Variants in MTUS2 observed in about 807,000 individuals in gnomAD.
MTUS2 encodes microtubule associated scaffold protein 2.
Under a neutral mutation model 114.1 loss-of-function variants are expected in MTUS2, and 40 were observed. The observed-to-expected ratio is 0.35, with a 90% CI of 0.27 to 0.46. The LOEUF is 0.46. Among genes scored for constraint, MTUS2 ranks in the 20% least tolerant of loss-of-function variants. The probability of loss-of-function intolerance (pLI) is 1.00; values close to 1 mark genes in which losing one functional copy is unlikely to be tolerated. For missense variants in MTUS2, 1,679 were observed against 1,705.4 expected (o/e 0.98, Z 0.27); for synonymous variants, 688 against 672.0 (o/e 1.02, Z -0.37).
chr13:29,487,770 TCTC>T, intron 10 of MTUS2, 127 bp from the exon 11 acceptor site: 1 of 743,244 alleles, frequency 1.3e-6, no homozygotes, highest in South Asian at 1.6e-5. Flanking sequence ...AAAGTCCAGC[TCTC>T]CTGCTTCGGC....
chr13:29,304,367 C>T (rs1158521595), intron 6 of MTUS2, among the ~76,000 whole-genome samples: 2 of 151,402 alleles, frequency 1.3e-5, no homozygotes, highest in Non-Finnish European at 2.9e-5. Context: ...GAGCCAAAAC[C>T]CATCAGTATG....
intron 2 of MTUS2, among the ~76,000 whole-genome samples, chr13:28,862,684 A>C (rs1386714845): frequency 6.6e-6 from 1 of 152,316 alleles, no homozygotes; most frequent in East Asian, 1.9e-4. Flanking sequence ...GTAGTGGAAA[A>C]TTGGAAACAT....
chr13:29,165,505 C>A (rs4559776), intron 5 of MTUS2, among the ~76,000 whole-genome samples: 1 of 151,974 alleles, frequency 6.6e-6, no homozygotes, highest in Non-Finnish European at 1.5e-5. Flanking sequence ...ATGATATCTG[C>A]TGTCTTTCCT....
chr13:29,035,709 G>A (rs761550869), intron 4 of MTUS2, among the ~76,000 whole-genome samples: 13 of 152,008 alleles, frequency 8.6e-5, no homozygotes, highest in Non-Finnish European at 1.8e-4. Context: ...ACTGAACACA[G>A]AGCCAAAGCC....
intron 11 of MTUS2, among the ~76,000 whole-genome samples, chr13:29,491,088 ATG>A (rs1307920663): frequency 7.0e-6 from 1 of 142,192 alleles, no homozygotes; most frequent in Non-Finnish European, 1.5e-5. Flanking sequence ...TGTGTGTGGT[ATG>A]TGTGCGGGTG....
chr13:29,391,875 C>T (rs1873508831), intron 8 of MTUS2, among the ~76,000 whole-genome samples: 1 of 151,998 alleles, frequency 6.6e-6, no homozygotes. Flanking sequence ...CAGTGGCTCA[C>T]ACCTATAATA....
chr13:29,182,070 C>T (rs529427411), intron 5 of MTUS2, among the ~76,000 whole-genome samples: 1 of 152,266 alleles, frequency 6.6e-6, no homozygotes, highest in African/African-American at 2.4e-5. Context: ...GGATGCCCCT[C>T]CCTGGTGGCT....
intron 9 of MTUS2, among the ~76,000 whole-genome samples, chr13:29,468,700 C>T (rs1294222842): frequency 2.0e-5 from 3 of 152,156 alleles, no homozygotes; most frequent in African/African-American, 7.2e-5. Context: ...CCCTCCAAGC[C>T]TCTATTTCAT....
chr13:28,969,928 C>T (rs1883775372), intron 2 of MTUS2, among the ~76,000 whole-genome samples: 2 of 152,296 alleles, frequency 1.3e-5, no homozygotes, highest in East Asian at 3.9e-4. Context: ...TTATAGGCGC[C>T]TGCCAGCATG....
intron 1 of MTUS2, among the ~76,000 whole-genome samples, chr13:28,838,234 C>A (rs189349620): frequency 6.6e-6 from 1 of 152,206 alleles, no homozygotes; most frequent in East Asian, 1.9e-4. Context: ...TTATTTAAAC[C>A]CTTTGTTATT....
intron 4 of MTUS2, among the ~76,000 whole-genome samples, chr13:29,099,699 T>C (rs1292721198): frequency 1.3e-5 from 2 of 152,222 alleles, no homozygotes; most frequent in Non-Finnish European, 2.9e-5. Flanking sequence ...TAGGCACTCA[T>C]GGTAAATATG....
At chr13:28,892,263 G>T (rs1272639074) in intron 2 of MTUS2, among the ~76,000 whole-genome samples, 1 of 152,146 alleles carries the variant, frequency 6.6e-6, no homozygotes, top group Non-Finnish European at 1.5e-5. Context: ...GATCACATGT[G>T]TGCGGGTGGC....
chr13:29,423,429 G>T (rs1193776529), intron 8 of MTUS2, among the ~76,000 whole-genome samples: 1 of 152,188 alleles, frequency 6.6e-6, no homozygotes. Flanking sequence ...AAATACATAA[G>T]ATGAGCCTAG....
intron 2 of MTUS2, among the ~76,000 whole-genome samples, chr13:28,963,134 G>A (rs565025438): frequency 1.3e-5 from 2 of 152,210 alleles, no homozygotes; most frequent in South Asian, 2.1e-4. Context: ...GACGGATCAC[G>A]AGGTCAGGAG....
intron 7 of MTUS2, among the ~76,000 whole-genome samples, chr13:29,351,567 A>G (rs1424694058): frequency 1.3e-5 from 2 of 151,498 alleles, no homozygotes; most frequent in Admixed American, 6.6e-5. Flanking sequence ...CCACTATTCT[A>G]CTACAAAGGC....
intron 2 of MTUS2, among the ~76,000 whole-genome samples, chr13:28,987,745 G>A (rs1489434723): frequency 1.3e-5 from 2 of 151,644 alleles, no homozygotes; most frequent in African/African-American, 2.4e-5. Context: ...TTCTAAACAC[G>A]TTTAAAATAA....
chr13:28,855,141 GT>G (rs1227009641), intron 2 of MTUS2, among the ~76,000 whole-genome samples: 2 of 151,716 alleles, frequency 1.3e-5, no homozygotes, highest in African/African-American at 4.8e-5. Context: ...AAATATACCA[GT>G]TTTTATTGAT....
chr13:29,329,274 C>T (rs1465018227), intron 7 of MTUS2, among the ~76,000 whole-genome samples: 2 of 152,008 alleles, frequency 1.3e-5, no homozygotes, highest in Non-Finnish European at 2.9e-5. Flanking sequence ...AATGCTATCC[C>T]TCCCCTAGCC....
intron 2 of MTUS2, among the ~76,000 whole-genome samples, chr13:28,930,716 GAAA>G (rs1881570743): frequency 6.6e-6 from 1 of 152,128 alleles, no homozygotes; most frequent in Non-Finnish European, 1.5e-5. Context: ...ATCCCACCTG[GAAA>G]ATCTACTATA....
Sources: gnomAD v4.1 joint callset for allele counts (sites outside exome capture counted in the v4.1 genomes callset) on GRCh38, gnomAD v4.1.1 for gene constraint, MANE v1.5 for transcripts, NCBI Gene and HGNC (gene_info 2026-07-23, HGNC 2026-07-21) for gene names.